The following NAALADL2 variants were observed in gnomAD, a reference collection of about 807,000 sequenced individuals.
NAALADL2 encodes inactive N-acetylated-alpha-linked acidic dipeptidase-like protein 2.
NAALADL2 carries 76 observed loss-of-function variants against 87.2 expected under a neutral mutation model. That is an observed-to-expected ratio of 0.87 (90% CI 0.72 to 1.05). NAALADL2 has a LOEUF of 1.05. Ranked by LOEUF, NAALADL2 falls within the 50% of genes least tolerant of loss-of-function variation. NAALADL2 has a pLI of 0.00. For synonymous variants in NAALADL2, 354 were observed against 331.0 expected, an observed-to-expected ratio of 1.07 and a Z score of -0.75; for missense variants, 1,089 against 945.8, an observed-to-expected ratio of 1.15 and a Z score of -1.99.
chr3:174,968,623 G>C (rs1270562281), intron 1 of NAALADL2, among the ~76,000 whole-genome samples: 1 of 151,956 alleles, frequency 6.6e-6, no homozygotes, highest in Admixed American at 6.6e-5. Context: ...GGGATTACAG[G>C]TGCACGCCAC....
chr3:174,453,961 G>A (rs1425928212), intron 1 of NAALADL2, among the ~76,000 whole-genome samples: 2 of 152,274 alleles, frequency 1.3e-5, no homozygotes, highest in East Asian at 3.9e-4. Context: ...AAGGCACAGA[G>A]TTGCAAGCTG....
In NAALADL2 at chr3:175,348,735, C is replaced by G. The variant is rs76825152; in HGVS notation, c.1090+24410C>G. Among the ~76,000 whole-genome samples the G allele has an allele frequency of 3.4e-3, 515 of 152,290 alleles. 4 individuals are homozygous for G. The highest frequency in any genetic ancestry group is 0.012 in the African/African-American group (498 of 41,576). On this transcript the variant is annotated intron_variant, in intron 5 of 13. Transcript: ENST00000454872. ...TGATTGGATTTAGGGCCACCCTAATCTGTATAACTTACATCTTAATTACAT... is the reference window on the plus strand; with the variant it reads ...TGATTGGATTTAGGGCCACCCTAATGTGTATAACTTACATCTTAATTACAT...
chr3:174,765,448 T>C (rs1357445), intron 3 of NAALADL2, among the ~76,000 whole-genome samples: 46,036 of 152,024 alleles, frequency 0.3, 7,029 homozygotes, highest in Middle Eastern at 0.35. Context: ...TCCTCTACTA[T>C]CCTTGTCTCC....
rs76791212 is a variant in NAALADL2 at position 175,575,101 on chromosome 3, C to G, written c.1654-940C>G. On this transcript the variant is annotated intron_variant, in intron 9 of 13. Transcript: ENST00000454872. ...GCTGTCATTTGTTTTGCATGCCAGA[C>G]AACTCTTAGTTTAAGAAATAATAGC... Among the ~76,000 whole-genome samples the G allele has an allele frequency of 8.6e-3, 1,314 of 152,204 alleles. 26 individuals are homozygous for G. The highest frequency in any genetic ancestry group is 0.03 in the African/African-American group (1,257 of 41,534).
At chr3:175,024,429 T>C (rs1751961214) in intron 1 of NAALADL2, among the ~76,000 whole-genome samples, 1 of 152,214 alleles carries the variant, frequency 6.6e-6, no homozygotes, top group Admixed American at 6.5e-5. Flanking sequence ...GCAAAGCGGA[T>C]GCTTTGTGTA....
chr3:175,610,977 A>T (rs1018114205), intron 10 of NAALADL2, among the ~76,000 whole-genome samples: 4 of 152,106 alleles, frequency 2.6e-5, no homozygotes, highest in African/African-American at 9.7e-5. Flanking sequence ...TGAAGGTGAT[A>T]TCAAGATCCC....
At chr3:174,669,367 C>T (rs1726302678) in intron 2 of NAALADL2, among the ~76,000 whole-genome samples, 1 of 151,922 alleles carries the variant, frequency 6.6e-6, no homozygotes, top group South Asian at 2.1e-4. Context: ...CTGTAGGTTG[C>T]CTGTTCACTC....
chr3:175,368,170 G>A lies in NAALADL2; in HGVS notation c.1090+43845G>A, dbSNP rs1230993899. The stretch of plus-strand genomic sequence containing the variant: ...CGCTGGATTACATTTATTGATTTGC[G>A]TATATTGAACCAGCCTTGCATCCCA... On this transcript the variant is annotated intron_variant, in intron 5 of 13. Coordinates refer to ENST00000454872, the MANE Select transcript of NAALADL2 (RefSeq NM_207015.3). 1.5e-4 allele frequency among the ~76,000 whole-genome samples: 23 copies of A among 152,168 alleles called. 1 individual carries two copies. Among genetic ancestry groups the A allele is most frequent in the Middle Eastern group, 3.4e-3 (1 of 294 alleles).
At chr3:175,143,972 T>G (rs888169325) in intron 2 of NAALADL2, among the ~76,000 whole-genome samples, 1 of 142,584 alleles carries the variant, frequency 7.0e-6, no homozygotes, top group African/African-American at 2.5e-5. Context: ...TCATGAAAAA[T>G]TGAATGAAAG....
At chr3:175,430,950 GC>G (rs1717649001) in intron 5 of NAALADL2, among the ~76,000 whole-genome samples, 1 of 151,966 alleles carries the variant, frequency 6.6e-6, no homozygotes, top group African/African-American at 2.4e-5. Context: ...TTTAAATCTA[GC>G]ATCTCATTGA....
At chr3:174,908,700 G>C (rs1009395068) in intron 1 of NAALADL2, among the ~76,000 whole-genome samples, 5 of 151,934 alleles carry the variant, frequency 3.3e-5, no homozygotes, top group Admixed American at 3.3e-4. Context: ...ACTAAAACAG[G>C]CAAGATTTGA....
intron 3 of NAALADL2, among the ~76,000 whole-genome samples, chr3:174,749,796 T>A (rs1350910844): frequency 6.6e-6 from 1 of 152,168 alleles, no homozygotes; most frequent in African/African-American, 2.4e-5. Context: ...ACCTAAGATG[T>A]AATTTTCTTT....
chr3:175,323,087 C>G (rs1402289863), intron 4 of NAALADL2, among the ~76,000 whole-genome samples: 5 of 144,766 alleles, frequency 3.5e-5, no homozygotes, highest in Non-Finnish European at 6.1e-5. Flanking sequence ...TGGAACCAAC[C>G]CAAATGTCCA....
At chr3:175,146,869 T>G (rs765136085) in intron 2 of NAALADL2, among the ~76,000 whole-genome samples, 2 of 152,160 alleles carry the variant, frequency 1.3e-5, no homozygotes, top group Non-Finnish European at 1.5e-5. Flanking sequence ...CTAACGTCAT[T>G]CAGGTACATA....
At chr3:175,556,254 A>G (rs1037949559) in intron 9 of NAALADL2, among the ~76,000 whole-genome samples, 1 of 152,108 alleles carries the variant, frequency 6.6e-6, no homozygotes, top group African/African-American at 2.4e-5. Context: ...CATGAAGACG[A>G]TTTAAAAAAA....
At chr3:175,621,661 A>G (rs1364940898) in intron 10 of NAALADL2, among the ~76,000 whole-genome samples, 1 of 152,232 alleles carries the variant, frequency 6.6e-6, no homozygotes, top group African/African-American at 2.4e-5. Context: ...ACAATAAGAA[A>G]AATACTATAA....
chr3:175,146,795 T>C (rs759778726), intron 2 of NAALADL2, among the ~76,000 whole-genome samples: 2 of 151,990 alleles, frequency 1.3e-5, no homozygotes. Context: ...TGGCTTAACT[T>C]TTCTCTTTTT....
At chr3:175,759,699 A>C (rs1338458997) in intron 13 of NAALADL2, among the ~76,000 whole-genome samples, 1 of 152,184 alleles carries the variant, frequency 6.6e-6, no homozygotes, top group Non-Finnish European at 1.5e-5. Context: ...TGTGGGCATG[A>C]GGGAATGATA....
At chr3:175,367,434 A>G (rs1008126283) in intron 5 of NAALADL2, among the ~76,000 whole-genome samples, 1 of 151,996 alleles carries the variant, frequency 6.6e-6, no homozygotes, top group Non-Finnish European at 1.5e-5. Context: ...CATTGAATCT[A>G]TAAATTACCT....
Sources: gnomAD v4.1 joint callset for allele counts (sites outside exome capture counted in the v4.1 genomes callset) on GRCh38, gnomAD v4.1.1 for gene constraint, MANE v1.5 for transcripts, NCBI Gene and HGNC (gene_info 2026-07-23, HGNC 2026-07-21) for gene names.